The following LSAMP variants were observed in gnomAD, a reference collection of about 807,000 sequenced individuals.
LSAMP encodes limbic system-associated membrane protein.
A neutral mutation model predicts 38.6 loss-of-function variants in LSAMP; 7 were observed. The observed-to-expected ratio is 0.18, with a 90% confidence interval of 0.10 to 0.34. The LOEUF (loss-of-function observed/expected upper bound fraction) is 0.34. Ranked by LOEUF, LSAMP falls within the 10% of genes least tolerant of loss-of-function variation. LSAMP has a pLI of 1.00. For missense variants in LSAMP, 313 were observed against 420.0 expected (o/e 0.75, Z 2.23); for synonymous variants, 154 against 166.8 (o/e 0.92, Z 0.59).
intron 2 of LSAMP, among the ~76,000 whole-genome samples, chr3:116,054,387 G>A (rs77177365): frequency 1.6e-3 from 238 of 152,210 alleles, no homozygotes; most frequent in African/African-American, 5.5e-3. Flanking sequence ...AGATTCCCAG[G>A]ATAAGGAGTA....
chr3:115,908,180 A>G (rs79658487), intron 3 of LSAMP, among the ~76,000 whole-genome samples: 1,849 of 152,138 alleles, frequency 0.012, 37 homozygotes, highest in African/African-American at 0.041. Flanking sequence ...TCTGAGACCA[A>G]CATTTATTAG....
chr3:116,000,189 A>G (rs767200579), intron 3 of LSAMP, among the ~76,000 whole-genome samples: 9 of 152,186 alleles, frequency 5.9e-5, no homozygotes, highest in Non-Finnish European at 8.8e-5. Context: ...TCCTGCACCA[A>G]CTGAGAATAG....
chr3:116,168,955 C>A (rs1419179177), intron 1 of LSAMP, among the ~76,000 whole-genome samples: 1 of 152,078 alleles, frequency 6.6e-6, no homozygotes, highest in Non-Finnish European at 1.5e-5. Flanking sequence ...AATACCAGTA[C>A]CCTGGGAGGC....
chr3:116,023,062 G>A (rs113472889), intron 2 of LSAMP, among the ~76,000 whole-genome samples: 3 of 151,640 alleles, frequency 2.0e-5, no homozygotes, highest in Non-Finnish European at 4.4e-5. Flanking sequence ...CATGTTCTGT[G>A]GTTTATGTCA....
At chr3:116,115,435 A>T (rs535236261) in intron 1 of LSAMP, among the ~76,000 whole-genome samples, 3 of 152,314 alleles carry the variant, frequency 2.0e-5, no homozygotes, top group African/African-American at 7.2e-5. Context: ...CTGAGAATGG[A>T]ATCTAGTCTG....
intron 1 of LSAMP, among the ~76,000 whole-genome samples, chr3:116,406,247 C>T (rs1472012472): frequency 2.0e-5 from 3 of 152,040 alleles, no homozygotes; most frequent in Non-Finnish European, 2.9e-5. Flanking sequence ...ACCACCAATG[C>T]TGAATAAATT....
At chr3:116,239,898 ATCAG>A (rs1223483319) in intron 1 of LSAMP, among the ~76,000 whole-genome samples, 1 of 152,146 alleles carries the variant, frequency 6.6e-6, no homozygotes, top group East Asian at 1.9e-4. Flanking sequence ...TGCAAGTTTA[ATCAG>A]TTAAATTACA....
In LSAMP at chr3:115,804,200, G is replaced by A. The variant is rs1166568737; in HGVS notation, c.*6117C>T. ...GACGGTAGAATGATAGTTCTGAGAA[G>A]TGATGAGAATACAGAGACCAAACTA... On this transcript the variant is annotated 3_prime_UTR_variant, in exon 7 of 7. Transcript: ENST00000490035. The A allele has an allele frequency of 6.6e-6, 1 of 152,186 alleles. No individual in the cohort carries two copies. The highest frequency in any genetic ancestry group is 1.5e-5 in the Non-Finnish European group (1 of 68,028). 9.4% of individuals were successfully genotyped at this position (152,186 alleles called of 1,614,324 possible).
At chr3:116,272,594 G>T (rs2046988638) in intron 1 of LSAMP, among the ~76,000 whole-genome samples, 1 of 152,106 alleles carries the variant, frequency 6.6e-6, no homozygotes, top group Non-Finnish European at 1.5e-5. Context: ...GAACTACATT[G>T]ATGATTTATG....
intron 3 of LSAMP, among the ~76,000 whole-genome samples, chr3:115,906,097 G>A (rs571203978): frequency 9.1e-4 from 139 of 152,230 alleles, no homozygotes; most frequent in Middle Eastern, 3.4e-3. Flanking sequence ...CAGACTACAG[G>A]CTTTTGCCAA....
chr3:115,885,701 A>T (rs1936435529), intron 3 of LSAMP, among the ~76,000 whole-genome samples: 1 of 147,502 alleles, frequency 6.8e-6, no homozygotes, highest in Admixed American at 6.7e-5. Flanking sequence ...ATCAAGAAGC[A>T]TTTAGATGCT....
chr3:116,174,449 A>G (rs545835486), intron 1 of LSAMP, among the ~76,000 whole-genome samples: 1 of 152,010 alleles, frequency 6.6e-6, no homozygotes, highest in Admixed American at 6.6e-5. Flanking sequence ...TAAAAATAGC[A>G]ATCATAATAG....
chr3:115,944,505 C>G (rs1938031862), intron 3 of LSAMP, among the ~76,000 whole-genome samples: 1 of 152,090 alleles, frequency 6.6e-6, no homozygotes. Flanking sequence ...GTTTGAAAGT[C>G]TCCGAGGTCC....
chr3:115,822,066 A>C (rs980989758), intron 6 of LSAMP, among the ~76,000 whole-genome samples: 1 of 152,230 alleles, frequency 6.6e-6, no homozygotes, highest in Non-Finnish European at 1.5e-5. Flanking sequence ...TTTAGGGATT[A>C]GCAGCTTGTA....
intron 1 of LSAMP, among the ~76,000 whole-genome samples, chr3:116,390,652 C>T (rs1387483310): frequency 6.7e-6 from 1 of 149,320 alleles, no homozygotes; most frequent in Non-Finnish European, 1.5e-5. Context: ...ATTGCTTGAA[C>T]CTGGGGATGG....
intron 1 of LSAMP, among the ~76,000 whole-genome samples, chr3:116,211,671 G>A (rs2046158236): frequency 6.6e-6 from 1 of 152,168 alleles, no homozygotes; most frequent in Admixed American, 6.5e-5. Context: ...GCAGCAATAT[G>A]CTGATTTTAC....
chr3:116,045,009 G>A (rs943254472), intron 2 of LSAMP, among the ~76,000 whole-genome samples: 7 of 152,256 alleles, frequency 4.6e-5, no homozygotes, highest in African/African-American at 1.4e-4. Flanking sequence ...GCAAATGTCA[G>A]ACGTTTTGAA....
At chr3:116,113,308 C>T (rs1708658783) in intron 1 of LSAMP, among the ~76,000 whole-genome samples, 1 of 150,510 alleles carries the variant, frequency 6.6e-6, no homozygotes, top group South Asian at 2.1e-4. Flanking sequence ...AAGTCACACC[C>T]TACCATTCAT....
At chr3:116,082,964 CCCTATGT>C in intron 2 of LSAMP, among the ~76,000 whole-genome samples, 1 of 152,078 alleles carries the variant, frequency 6.6e-6, no homozygotes, top group South Asian at 2.1e-4. Flanking sequence ...AGTGATGTAA[CCCTATGT>C]ACAACAAACC....
Sources: allele counts gnomAD v4.1 joint callset (sites outside exome capture counted in the v4.1 genomes callset), GRCh38; gene constraint gnomAD v4.1.1; transcripts MANE v1.5; gene names NCBI Gene and HGNC (gene_info 2026-07-23, HGNC 2026-07-21).